Variants in MEI4 observed in about 807,000 individuals in gnomAD.
MEI4 encodes the protein meiotic double-stranded break formation protein 4, also known as meiosis-specific protein MEI4.
MEI4 carries 27 observed loss-of-function variants against 31.4 expected under a neutral mutation model. That is an observed-to-expected ratio of 0.86 (90% CI 0.63 to 1.19). The LOEUF (loss-of-function observed/expected upper bound fraction) is 1.19. Ranked by LOEUF, MEI4 falls within the 50% of genes most tolerant of loss-of-function variation. The pLI, the probability that MEI4 is intolerant of heterozygous loss-of-function variation, is 0.00. For missense variants in MEI4, 329 were observed against 398.9 expected, an observed-to-expected ratio of 0.82 and a Z score of 1.49; for synonymous variants, 122 against 145.4, an observed-to-expected ratio of 0.84 and a Z score of 1.16.
At chr6:77,665,134 G>A (rs1170909506) in intron 1 of MEI4, among the ~76,000 whole-genome samples, 1 of 151,728 alleles carries the variant, frequency 6.6e-6, no homozygotes, top group Non-Finnish European at 1.5e-5. Flanking sequence ...AGAGGTCGGG[G>A]CATGGAAATA....
At chr6:77,912,713 A>G (rs1766459313) in intron 4 of MEI4, among the ~76,000 whole-genome samples, 1 of 152,098 alleles carries the variant, frequency 6.6e-6, no homozygotes, top group African/African-American at 2.4e-5. Flanking sequence ...TTTGGTGGGC[A>G]TTAGGTTTTT....
At chr6:77,747,230 T>G (rs557716854) in intron 2 of MEI4, among the ~76,000 whole-genome samples, 8 of 152,126 alleles carry the variant, frequency 5.3e-5, no homozygotes, top group Admixed American at 2.0e-4. Flanking sequence ...GAGAAGCACT[T>G]GAACCCAGGA....
chr6:77,734,481 A>G (rs1314266124), intron 2 of MEI4, among the ~76,000 whole-genome samples: 2 of 151,344 alleles, frequency 1.3e-5, no homozygotes, highest in Admixed American at 6.6e-5. Context: ...TTTGTTTTCC[A>G]TTTGCTTGGT....
chr6:77,876,694 C>T (rs887314619), intron 4 of MEI4, among the ~76,000 whole-genome samples: 3 of 152,082 alleles, frequency 2.0e-5, no homozygotes, highest in African/African-American at 4.8e-5. Context: ...CCCTTAAATG[C>T]GGTGCACCTC....
intron 3 of MEI4, among the ~76,000 whole-genome samples, chr6:77,790,122 G>T (rs1038718290): frequency 6.6e-6 from 1 of 151,854 alleles, no homozygotes; most frequent in African/African-American, 2.4e-5. Flanking sequence ...GAATGAAGCT[G>T]GAGACTGTCA....
chr6:77,890,225 C>A (rs1442604012), intron 4 of MEI4, among the ~76,000 whole-genome samples: 1 of 152,112 alleles, frequency 6.6e-6, no homozygotes, highest in Non-Finnish European at 1.5e-5. Context: ...CAACACCAGC[C>A]CATGAAAGCA....
intron 4 of MEI4, among the ~76,000 whole-genome samples, chr6:77,840,804 A>T (rs1770338869): frequency 6.6e-6 from 1 of 152,168 alleles, no homozygotes; most frequent in Admixed American, 6.6e-5. Context: ...TCAGGGGAAC[A>T]ACATTTCAAA....
intron 1 of MEI4, among the ~76,000 whole-genome samples, chr6:77,688,673 CT>C (rs1769103641): frequency 6.6e-6 from 1 of 151,964 alleles, no homozygotes; most frequent in African/African-American, 2.4e-5. Flanking sequence ...CTAGTTTTTT[CT>C]TTTAGCCTGG....
intron 3 of MEI4, among the ~76,000 whole-genome samples, chr6:77,786,965 G>C (rs955188569): frequency 1.1e-4 from 17 of 152,200 alleles, no homozygotes; most frequent in African/African-American, 4.1e-4. Context: ...ACAGCTGGGA[G>C]ACATGCCTAT....
At chr6:77,753,682 A>T (rs1767840463) in intron 2 of MEI4, among the ~76,000 whole-genome samples, 1 of 152,200 alleles carries the variant, frequency 6.6e-6, no homozygotes, top group African/African-American at 2.4e-5. Flanking sequence ...CCATTGTGGA[A>T]GACAGTAGGT....
upstream of MEI4, among the ~76,000 whole-genome samples, chr6:77,651,314 G>A (rs1768294154): frequency 6.6e-6 from 1 of 152,200 alleles, no homozygotes; most frequent in South Asian, 2.1e-4. Flanking sequence ...ATTGTTTGAA[G>A]AGGCAGGAAT....
intron 1 of MEI4, among the ~76,000 whole-genome samples, chr6:77,656,461 C>G (rs1768397088): frequency 1.3e-5 from 2 of 152,034 alleles, no homozygotes; most frequent in East Asian, 3.9e-4. Context: ...TCTTTCTTGT[C>G]TGAACTGTTG....
upstream of MEI4, among the ~76,000 whole-genome samples, chr6:77,651,946 T>C (rs557765643): frequency 1.4e-3 from 220 of 152,328 alleles, 1 homozygote; most frequent in African/African-American, 4.9e-3. Context: ...CGTTACACCA[T>C]GTCTTTAGTG....
At chr6:77,688,042 C>A (rs1166036077) in intron 1 of MEI4, among the ~76,000 whole-genome samples, 3 of 152,086 alleles carry the variant, frequency 2.0e-5, no homozygotes, top group Non-Finnish European at 2.9e-5. Flanking sequence ...CAAGCTACCT[C>A]AGGAAATTCT....
At chr6:77,788,365 C>T (rs1048106697) in intron 3 of MEI4, among the ~76,000 whole-genome samples, 2 of 152,140 alleles carry the variant, frequency 1.3e-5, no homozygotes, top group African/African-American at 4.8e-5. Context: ...CCCTCTCTCA[C>T]CACTCCTATT....
chr6:77,796,639 T>TAACCAACTTATTTAC (rs1769083892), intron 3 of MEI4, among the ~76,000 whole-genome samples: 2 of 152,290 alleles, frequency 1.3e-5, no homozygotes, highest in East Asian at 3.9e-4. Context: ...GGAATAAGTT[T>TAACCAACTTATTTAC]AACCAAGGAG....
At chr6:77,664,576 G>C (rs1768583243) in intron 1 of MEI4, among the ~76,000 whole-genome samples, 1 of 152,168 alleles carries the variant, frequency 6.6e-6, no homozygotes, top group Non-Finnish European at 1.5e-5. Flanking sequence ...GGCTGAGGAA[G>C]AATTGGGACC....
intron 1 of MEI4, among the ~76,000 whole-genome samples, chr6:77,669,385 G>C (rs1013714734): frequency 6.6e-6 from 1 of 152,128 alleles, no homozygotes; most frequent in Non-Finnish European, 1.5e-5. Context: ...AGTTTTAAAT[G>C]AGTGCCTAAA....
chr6:77,921,355 A>T (rs760104797), intron 4 of MEI4, among the ~76,000 whole-genome samples: 22 of 151,828 alleles, frequency 1.4e-4, no homozygotes, highest in African/African-American at 4.8e-4. Flanking sequence ...CAGCCTTCAT[A>T]AAATTGAAGA....
Sources: gnomAD v4.1 joint callset for allele counts (sites outside exome capture counted in the v4.1 genomes callset) on GRCh38, gnomAD v4.1.1 for gene constraint, MANE v1.5 for transcripts, NCBI Gene and HGNC (gene_info 2026-07-23, HGNC 2026-07-21) for gene names.